DUOX1: variants seen among roughly 807,000 people sequenced by gnomAD.
DUOX1 encodes NADPH thyroid oxidase 1.
A neutral mutation model predicts 181.8 loss-of-function variants in DUOX1; 134 were observed. That is an observed-to-expected ratio of 0.74 (90% CI 0.64 to 0.85). The LOEUF is 0.85. DUOX1 is among the 40% of genes least tolerant of loss of function. The pLI is 0.00. For synonymous variants in DUOX1, 798 were observed against 832.5 expected, an observed-to-expected ratio of 0.96 and a Z score of 0.71; for missense variants, 1,814 against 2,064.4, an observed-to-expected ratio of 0.88 and a Z score of 2.35.
At position 45,162,258 on chromosome 15, in the gene DUOX1, T is replaced by C; in HGVS notation, c.4129T>C (p.Trp1377Arg). 1 of 1,612,254 alleles carries C rather than the reference T, an allele frequency of 6.2e-7. No individual in the cohort carries two copies. Among genetic ancestry groups the C allele is most frequent in the South Asian group, 1.1e-5 (1 of 90,782 alleles). ...ACCATTTGGAGAGGGCCACCAGGAG[T>C]GGCATAAGTTTGAGGTGTCAGTGTT... ...DGPFGEGHQE[W>R]HKFEVSVLVG... The change falls in exon 31 of 34, where the codon TGG becomes CGG. Residue 1377 changes from tryptophan (W) to arginine (R), a missense_variant. Trp to Arg is a moderately radical substitution (Grantham distance 101). This residue lies in a region of DUOX1 where 279 missense variants were observed against 381.9 expected (regional missense o/e 0.73). Coordinates refer to ENST00000389037, the MANE Select transcript of DUOX1 (RefSeq NM_175940.3).
intron 26 of DUOX1, 139 bp downstream of exon 26, chr15:45,153,618 T>G: frequency 8.4e-6 from 8 of 955,084 alleles, no homozygotes; most frequent in Non-Finnish European, 1.3e-5. Context: ...CCTTCTAGGT[T>G]ACAGGACAGA....
At chr15:45,146,707 G>A (rs953920633) in intron 18 of DUOX1, among the ~76,000 whole-genome samples, 1 of 152,204 alleles carries the variant, frequency 6.6e-6, no homozygotes, top group African/African-American at 2.4e-5. Context: ...TCCCACTACA[G>A]CACCTTGTTT....
At chr15:45,137,396 AAAT>A (rs1896352519) in intron 9 of DUOX1, among the ~76,000 whole-genome samples, 1 of 147,714 alleles carries the variant, frequency 6.8e-6, no homozygotes, top group Admixed American at 6.8e-5. Flanking sequence ...ACACATATTT[AAAT>A]AATGTATATG....
chr15:45,163,171 GCT>G (rs938144842), intron 31 of DUOX1, among the ~76,000 whole-genome samples: 12 of 152,228 alleles, frequency 7.9e-5, no homozygotes, highest in Admixed American at 7.2e-4. Context: ...CCCTGAGGCT[GCT>G]CTGTGAAATG....
Position 45,135,254 on chromosome 15 carries a change from C to T in DUOX1, c.458C>T (p.Pro153Leu). ...CCCTTCCAGAGAAGCCGCTGGGACC[C>T]CGAGACCGGACGGAGTCCCAGCAAT... ...VLPFQRSRWD[P>L]ETGRSPSNPR... Residue 153 changes from proline (P) to leucine (L), a missense_variant, in exon 5 of 34, where the codon CCC becomes CTC. Physicochemically the swap from Pro to Leu is moderately conservative, Grantham distance 98 (BLOSUM62 -3). Transcript: ENST00000389037. 6.2e-7 allele frequency: 1 copy of T among 1,612,998 alleles called. No homozygotes were observed. The highest frequency in any genetic ancestry group is 8.5e-7 in the Non-Finnish European group (1 of 1,179,870).
At chr15:45,155,729 A>G in intron 27 of DUOX1, 73 bp from the exon 28 acceptor site, 1 of 1,602,830 alleles carries the variant, frequency 6.2e-7, no homozygotes. Context: ...TGGAGAGGGG[A>G]CCTTGGAAGC....
chr15:45,144,233 CT>C lies in DUOX1; in HGVS notation c.2135del (p.Leu712ArgfsTer22), dbSNP rs765731630. 1.5e-5 allele frequency: 25 copies of C among 1,613,850 alleles called. No homozygotes were observed. The highest frequency in any genetic ancestry group is 1.3e-5 in the Non-Finnish European group (15 of 1,180,052). On this transcript the variant is annotated frameshift_variant and splice_region_variant, in exon 17 of 34. Transcript: ENST00000389037. LOFTEE classifies it high-confidence loss of function. ...GCTCAAGATCCCCAAGGAGTATGACCTGGTATGGCTCAGCTGGCATCTGGCT... is the reference window on the plus strand; with the variant it reads ...GCTCAAGATCCCCAAGGAGTATGACCGGTATGGCTCAGCTGGCATCTGGCT... ...LLLKIPKEYD[L>X]VLLFNLEEER...
chr15:45,155,437 A>C (rs1012997706), intron 27 of DUOX1: 1 of 214,554 alleles, frequency 4.7e-6, no homozygotes, highest in African/African-American at 2.3e-5. Context: ...ATGATGGTGC[A>C]TGCCTTTAGT....
chr15:45,140,284 A>C (rs1896455696), intron 12 of DUOX1, among the ~76,000 whole-genome samples: 1 of 152,180 alleles, frequency 6.6e-6, no homozygotes, highest in Non-Finnish European at 1.5e-5. Context: ...GCCAATAAAG[A>C]AGTGATATGA....
intron 33 of DUOX1, among the ~76,000 whole-genome samples, chr15:45,164,310 T>C (rs1043140111): frequency 6.6e-6 from 1 of 152,162 alleles, no homozygotes; most frequent in South Asian, 2.1e-4. Context: ...TAGCCCTCCA[T>C]GAGACCCTGA....
chr15:45,148,443 C>T lies in DUOX1; in HGVS notation c.2814C>T (p.Val938=), dbSNP rs1160725396. 3 of 1,610,848 alleles carry T rather than the reference C, an allele frequency of 1.9e-6. No individual in the cohort carries two copies. The Admixed American group carries it at 5.0e-5, about 27-fold the overall frequency. The part of the protein sequence containing the change: ...NSELRFTQLC[V]KGVEVPEVIK... ...AGCTCCGCTTCACGCAGCTCTGTGT[C>T]AAAGGTGGGGCAGCCTGGTAGGCAG... The change falls in exon 21 of 34, where the codon GTC becomes GTT. Residue 938 remains valine, a synonymous_variant. Transcript: ENST00000389037.
intron 9 of DUOX1, among the ~76,000 whole-genome samples, chr15:45,137,037 T>G (rs906066142): frequency 6.6e-6 from 1 of 151,686 alleles, no homozygotes; most frequent in African/African-American, 2.4e-5. Context: ...GGCTTCAAAA[T>G]AATGAAAAGG....
intron 25 of DUOX1, 27 bp downstream of exon 25, chr15:45,152,543 T>C: frequency 6.3e-7 from 1 of 1,591,152 alleles, no homozygotes; most frequent in Non-Finnish European, 8.6e-7. Flanking sequence ...CCTGGGAGGC[T>C]CTCCAGGGCC....
At chr15:45,136,115 T>C (rs1461465935) in intron 7 of DUOX1, among the ~76,000 whole-genome samples, 167 bp downstream of exon 7, 1 of 152,008 alleles carries the variant, frequency 6.6e-6, no homozygotes, top group Admixed American at 6.5e-5. Flanking sequence ...GCACGCGCTG[T>C]TTATAGGAGA....
chr15:45,163,440 T>C lies in DUOX1; in HGVS notation c.4249-92T>C, dbSNP rs1897153693. 2.9e-5 allele frequency: 45 copies of C among 1,554,166 alleles called. 1 individual carries two copies. The South Asian group carries it at 5.0e-4, about 17-fold the overall frequency. On this transcript the variant is annotated intron_variant, in intron 31 of 33. Coordinates refer to ENST00000389037, the MANE Select transcript of DUOX1 (RefSeq NM_175940.3). ...TGTCTAGGGAAGGGCACAAGCTAGC[T>C]GTGGTCAGAAGAGTTCTATCAGTAT...
chr15:45,164,941 G>C lies in DUOX1; in HGVS notation c.*40G>C. On this transcript the variant is annotated 3_prime_UTR_variant, in exon 34 of 34. Coordinates refer to ENST00000389037, the MANE Select transcript of DUOX1 (RefSeq NM_175940.3). The stretch of plus-strand genomic sequence containing the variant: ...GTTCTGCCCACTGCCCAGTTGAGCA[G>C]AGGTTTGAGCCCACACCTCACCTCT... The C allele has an allele frequency of 2.5e-6, 4 of 1,609,254 alleles. No individual in the cohort carries two copies. The highest frequency in any genetic ancestry group is 3.4e-6 in the Non-Finnish European group (4 of 1,175,938).
In DUOX1 at chr15:45,145,064, G is replaced by T. The variant is rs748888999; in HGVS notation, c.2306G>T (p.Arg769Met). Residue 769 changes from arginine (R) to methionine (M), a missense_variant, in exon 18 of 34, where the codon AGG (arginine) becomes ATG (methionine). Transcript: ENST00000389037. The part of the protein sequence containing the change: ...QRRHLLETFF[R>M]HLFSQVLDIN... ...AGGCACCTCCTGGAGACCTTTTTCAGGCACCTTTTCTCCCAGGTGTGTACA... is the reference window on the plus strand; with the variant it reads ...AGGCACCTCCTGGAGACCTTTTTCATGCACCTTTTCTCCCAGGTGTGTACA... 1 of 1,606,544 alleles carries T rather than the reference G, an allele frequency of 6.2e-7. No individual in the cohort carries two copies. Among genetic ancestry groups the T allele is most frequent in the Non-Finnish European group, 8.5e-7 (1 of 1,176,774 alleles).
rs58154992 is a variant in DUOX1 at position 45,153,494 on chromosome 15, ATGTGTGTGTGTGTGTG to A, written c.3524+53_3524+68del. 80,495 of 848,070 alleles carry A rather than the reference ATGTGTGTGTGTGTGTG, an allele frequency of 0.095. 2,458 individuals are homozygous for A. Among genetic ancestry groups the A allele is most frequent in the Middle Eastern group, 0.18 (604 of 3,414 alleles). The allele number at this position is 848,070 out of a possible 1,614,324, so 52.5% of individuals were successfully genotyped here. A position where few individuals can be genotyped will look rare whatever the true frequency, so the allele number is the denominator to read the frequency against. On this transcript the variant is annotated intron_variant, in intron 26 of 33. Coordinates refer to ENST00000389037, the MANE Select transcript of DUOX1 (RefSeq NM_175940.3). ...CATGATGATGGGTGAGTAAGTGCGA[ATGTGTGTGTGTGTGTG>A]TGTGTGTGTGTGTGTGTGTGTGTGT...
chr15:45,136,345 C>T lies in DUOX1; in HGVS notation c.865-5C>T, dbSNP rs778787889. The T allele has an allele frequency of 2.4e-5, 38 of 1,613,504 alleles. 1 individual carries two copies. In the South Asian group the frequency reaches 3.5e-4, roughly 15 times the overall value. ...TGCCTCCCCTCGCCCCTCTCTGCCC[C>T]TCAGAACATCGCTGTGTATGAGTGG... On this transcript the variant is annotated splice_region_variant and splice_polypyrimidine_tract_variant and intron_variant, in intron 7 of 33. Transcript: ENST00000389037.
Sources: allele counts gnomAD v4.1 joint callset (sites outside exome capture counted in the v4.1 genomes callset), GRCh38; gene constraint gnomAD v4.1.1; regional missense constraint gnomAD v4.1.1; transcripts MANE v1.5; gene names NCBI Gene and HGNC (gene_info 2026-07-23, HGNC 2026-07-21).